HTR4: variants seen among roughly 807,000 people sequenced by gnomAD.
HTR4 encodes the protein 5-hydroxytryptamine receptor 4.
HTR4 carries 16 observed loss-of-function variants against 36.8 expected under a neutral mutation model. The ratio of observed to expected loss-of-function variants is 0.43; its 90% CI spans 0.29 to 0.66. The LOEUF is 0.66. Ranked by LOEUF, HTR4 falls within the 30% of genes least tolerant of loss-of-function variation. The pLI, the probability that HTR4 is intolerant of heterozygous loss-of-function variation, is 0.13. For missense variants in HTR4, 438 were observed against 490.9 expected, an observed-to-expected ratio of 0.89 and a Z score of 1.02; for synonymous variants, 189 against 185.1, an observed-to-expected ratio of 1.02 and a Z score of -0.17.
chr5:148,452,985 T>G (rs1367062185), intron 5 of HTR4, among the ~76,000 whole-genome samples: 1 of 152,240 alleles, frequency 6.6e-6, no homozygotes, highest in Non-Finnish European at 1.5e-5. Context: ...ACCAAATGTC[T>G]GCTTTGTTGG....
At chr5:148,458,632 C>T (rs1432978155) in intron 5 of HTR4, among the ~76,000 whole-genome samples, 1 of 152,034 alleles carries the variant, frequency 6.6e-6, no homozygotes, top group Non-Finnish European at 1.5e-5. Context: ...AGGGGCTCAC[C>T]AAGCCAGGGT....
At chr5:148,587,329 G>C (rs1208623313) in intron 2 of HTR4, among the ~76,000 whole-genome samples, 1 of 152,182 alleles carries the variant, frequency 6.6e-6, no homozygotes, top group Non-Finnish European at 1.5e-5. Context: ...AACAGGCTTA[G>C]GAAAGGTAGA....
intron 6 of HTR4, among the ~76,000 whole-genome samples, chr5:148,493,418 G>A (rs971602775): frequency 2.0e-5 from 3 of 152,162 alleles, no homozygotes; most frequent in Non-Finnish European, 4.4e-5. Context: ...AAGTGTGTAT[G>A]AACTACCTAC....
chr5:148,475,374 C>G (rs1050239901), downstream of HTR4, among the ~76,000 whole-genome samples: 4 of 152,144 alleles, frequency 2.6e-5, no homozygotes, highest in African/African-American at 9.7e-5. Flanking sequence ...TTAGGTAGTC[C>G]TGACTATCTT....
At chr5:148,518,894 CAT>C (rs1561592453) in intron 5 of HTR4, among the ~76,000 whole-genome samples, 1 of 152,146 alleles carries the variant, frequency 6.6e-6, no homozygotes, top group Non-Finnish European at 1.5e-5. Context: ...AGGTGAATGT[CAT>C]GTGTAAATCA....
rs201806754 is a variant in HTR4, at chr5:148,482,454, T to G, written c.*749A>C. On this transcript the variant is annotated 3_prime_UTR_variant, in exon 7 of 7. Transcript: ENST00000377888. Reference sequence around the variant, plus strand: ...GACACCAGGAGGAAGCTATCTGTCTTCAGCTTCCCTCCAGAGTTGCTGTGG... The same window carrying G: ...GACACCAGGAGGAAGCTATCTGTCTGCAGCTTCCCTCCAGAGTTGCTGTGG... 3.3e-4 allele frequency: 326 copies of G among 985,386 alleles called. No homozygotes were observed. The highest frequency in any genetic ancestry group is 3.9e-4 in the Non-Finnish European group (321 of 830,046). 61.0% of individuals were successfully genotyped at this position (985,386 alleles called of 1,614,324 possible).
rs1386226619 is a variant in HTR4, at chr5:148,509,608, G to A, written c.924C>T (p.Asn308=). The change falls in exon 6 of 7, where the codon AAC becomes AAT. Residue 308 remains asparagine, a synonymous_variant. Transcript: ENST00000377888. The part of the protein sequence containing the change: ...LWLGYINSGL[N]PFLYAFLNKS... ...TATTCAAGAAGGCGTAGAGAAAAGG[G>A]TTCAACCCGGAATTGATATAGCCGA... 3 of 1,614,040 alleles carry A rather than the reference G, an allele frequency of 1.9e-6. No homozygotes were observed. Among genetic ancestry groups the A allele is most frequent in the South Asian group, 1.1e-5 (1 of 91,070 alleles).
chr5:148,653,863 C>T (rs1390219415), intron 1 of HTR4, among the ~76,000 whole-genome samples, 199 bp downstream of exon 1: 1 of 152,286 alleles, frequency 6.6e-6, no homozygotes, highest in Non-Finnish European at 1.5e-5. Flanking sequence ...TGATCCCACG[C>T]TGGAAACACG....
chr5:148,509,249 C>A, intron 6 of HTR4: 1 of 507,984 alleles, frequency 2.0e-6, no homozygotes, highest in Non-Finnish European at 3.4e-6. Context: ...ACTATGGGGA[C>A]TTGATTAGAA....
At chr5:148,633,918 T>A (rs977765311) in intron 2 of HTR4, among the ~76,000 whole-genome samples, 2 of 152,122 alleles carry the variant, frequency 1.3e-5, no homozygotes, top group African/African-American at 4.8e-5. Context: ...ACACTGTAAC[T>A]ACTCCCAAAT....
chr5:148,501,220 G>A (rs954772896), intron 6 of HTR4, among the ~76,000 whole-genome samples: 41 of 152,226 alleles, frequency 2.7e-4, no homozygotes, highest in African/African-American at 8.4e-4. Context: ...TCTTCAAAAT[G>A]TATTGTTAAA....
chr5:148,500,819 C>T (rs909497267), intron 6 of HTR4, among the ~76,000 whole-genome samples: 23 of 152,080 alleles, frequency 1.5e-4, no homozygotes, highest in Non-Finnish European at 1.5e-5. Context: ...TACTTTTACA[C>T]TAACCTAATA....
intron 4 of HTR4, among the ~76,000 whole-genome samples, chr5:148,529,359 G>C (rs1250753963): frequency 6.6e-6 from 1 of 152,156 alleles, no homozygotes; most frequent in Non-Finnish European, 1.5e-5. Flanking sequence ...GGGACCAAGT[G>C]GGAGGTGATT....
chr5:148,609,722 T>C (rs1030484079), intron 2 of HTR4, among the ~76,000 whole-genome samples: 10 of 151,710 alleles, frequency 6.6e-5, no homozygotes, highest in African/African-American at 2.4e-4. Flanking sequence ...CCCACCACCA[T>C]GCCCGGCTAA....
At chr5:148,549,574 C>T (rs940626035) in intron 3 of HTR4, among the ~76,000 whole-genome samples, 9 of 152,160 alleles carry the variant, frequency 5.9e-5, no homozygotes, top group African/African-American at 1.9e-4. Context: ...GGGGAGTTAA[C>T]GCCTCTCCCC....
downstream of HTR4, among the ~76,000 whole-genome samples, chr5:148,479,063 T>G (rs376843035): frequency 7.2e-5 from 11 of 152,076 alleles, no homozygotes; most frequent in East Asian, 7.8e-4. Flanking sequence ...ATCCAAGACC[T>G]CCAGATATAC....
intron 2 of HTR4, among the ~76,000 whole-genome samples, chr5:148,602,786 T>C (rs1762045504): frequency 6.6e-6 from 1 of 152,106 alleles, no homozygotes; most frequent in Non-Finnish European, 1.5e-5. Flanking sequence ...GCACAAGTTA[T>C]CAGTATCTGG....
At chr5:148,628,703 A>G (rs1242536070) in intron 2 of HTR4, 1 of 152,214 alleles carries the variant, frequency 6.6e-6, no homozygotes, top group East Asian at 1.9e-4. Context: ...TTTGTAAATA[A>G]AGATATTTAT....
chr5:148,458,580 G>C (rs1339879611), intron 5 of HTR4, among the ~76,000 whole-genome samples: 3 of 152,148 alleles, frequency 2.0e-5, no homozygotes, highest in Admixed American at 6.5e-5. Context: ...TCAGGGTTCT[G>C]TCACTGAGGA....
Sources: gnomAD v4.1 joint callset for allele counts (sites outside exome capture counted in the v4.1 genomes callset) on GRCh38, gnomAD v4.1.1 for gene constraint, MANE v1.5 for transcripts, NCBI Gene and HGNC (gene_info 2026-07-23, HGNC 2026-07-21) for gene names.